Variants in DEFB109B observed in about 807,000 individuals in gnomAD.
DEFB109B encodes the protein beta-defensin 109B.
chr8:7,315,788 G>A (rs1802882041), intron 1 of DEFB109B, among the ~76,000 whole-genome samples: 1 of 145,618 alleles, frequency 6.9e-6, no homozygotes, highest in African/African-American at 2.8e-5. Flanking sequence ...CTGAATTTAA[G>A]TTAATTAGCT....
chr8:7,319,620 C>T (rs905673062), intron 1 of DEFB109B, 126 bp from the exon 2 acceptor site: 7 of 142,572 alleles, frequency 4.9e-5, no homozygotes, highest in Non-Finnish European at 7.4e-5. Flanking sequence ...GACATATGAG[C>T]AGCAACCATG....
chr8:7,315,095 G>C (rs1166734036), intron 1 of DEFB109B, among the ~76,000 whole-genome samples: 2 of 46,334 alleles, frequency 4.3e-5, no homozygotes, highest in Non-Finnish European at 7.3e-5. Flanking sequence ...TTCTCACAGT[G>C]AGACCTTTAC....
intron 1 of DEFB109B, among the ~76,000 whole-genome samples, chr8:7,315,688 A>G (rs1802873839): frequency 7.4e-6 from 1 of 134,834 alleles, no homozygotes; most frequent in Non-Finnish European, 1.5e-5. Context: ...ATCTCCATCA[A>G]GGGCAGCTTC....
chr8:7,316,815 T>G (rs1181860965), intron 1 of DEFB109B, among the ~76,000 whole-genome samples: 1 of 101,178 alleles, frequency 9.9e-6, no homozygotes, highest in South Asian at 3.0e-4. Flanking sequence ...ATATATACAT[T>G]TTTTTTTAGT....
chr8:7,316,887 C>T (rs1461420140), intron 1 of DEFB109B, among the ~76,000 whole-genome samples: 4 of 128,192 alleles, frequency 3.1e-5, no homozygotes, highest in South Asian at 4.7e-4. Context: ...GTGATCCACC[C>T]GCCTCGGCCT....
intron 1 of DEFB109B, among the ~76,000 whole-genome samples, chr8:7,313,605 C>A (rs1455783760): frequency 6.9e-6 from 1 of 144,866 alleles, no homozygotes; most frequent in Non-Finnish European, 1.5e-5. Context: ...AGGTATATTA[C>A]AGGTAACCAC....
rs1290459577 is a variant in DEFB109B at position 7,319,140 on chromosome 8, G to GA, written n.59-598dup. 9 of 108,684 alleles carry GA rather than the reference G, an allele frequency of 8.3e-5. 2 individuals are homozygous for GA. Among genetic ancestry groups the GA allele is most frequent in the African/African-American group, 2.8e-4 (6 of 21,090 alleles). The allele number at this position is 108,684 out of a possible 1,614,324, so 6.7% of individuals were successfully genotyped here. Reference sequence around the variant, plus strand: ...CTTTAGCTCTACACACTCCCCCAAAGAAAAAAAATATATAGATAGTTATGT... The same window carrying GA: ...CTTTAGCTCTACACACTCCCCCAAAGAAAAAAAAATATATAGATAGTTATGT... On this transcript the variant is annotated intron_variant and non_coding_transcript_variant, in intron 1 of 1. Transcript: ENST00000382656.
chr8:7,315,496 CAAA>C (rs140776655), intron 1 of DEFB109B, among the ~76,000 whole-genome samples: 7 of 93,948 alleles, frequency 7.5e-5, no homozygotes, highest in African/African-American at 4.8e-4. Context: ...GAGACTCCGT[CAAA>C]AAAAAAAAAA....
rs1291741165 is a variant in DEFB109B, at chr8:7,316,812, CA to C, written n.59-2933del. ...CAGCTAATATATATATATATATATA[CA>C]TTTTTTTTTAGTAGAGACAAGTTTT... is the stretch of plus-strand genomic sequence containing the variant. On this transcript the variant is annotated intron_variant and non_coding_transcript_variant, in intron 1 of 1. Transcript: ENST00000382656. 2.2e-5 allele frequency among the ~76,000 whole-genome samples: 2 copies of C among 92,772 alleles called. 1 individual carries two copies. The highest frequency in any genetic ancestry group is 1.5e-4 in the African/African-American group (2 of 13,148). 60.9% of individuals were successfully genotyped at this position (92,772 alleles called of 152,430 possible). A position where few individuals can be genotyped will look rare whatever the true frequency, so the allele number is the denominator to read the frequency against.
chr8:7,319,148 AT>A (rs1466786194), intron 1 of DEFB109B: 2 of 135,222 alleles, frequency 1.5e-5, no homozygotes, highest in African/African-American at 6.9e-5. Context: ...AAGAAAAAAA[AT>A]ATATAGATAG....
chr8:7,312,021 T>A (rs1315709074), upstream of DEFB109B, among the ~76,000 whole-genome samples: 1 of 127,266 alleles, frequency 7.9e-6, no homozygotes, highest in Non-Finnish European at 1.5e-5. Context: ...AATGGGTTCA[T>A]GAAGGAATGT....
At chr8:7,310,611 G>A (rs1487033351), upstream of DEFB109B, among the ~76,000 whole-genome samples, 1 of 143,688 alleles carries the variant, frequency 7.0e-6, no homozygotes, top group African/African-American at 3.0e-5. Context: ...GTGTGCATGT[G>A]CGTGCCTTTG....
At chr8:7,316,749 C>T (rs1802962476) in intron 1 of DEFB109B, among the ~76,000 whole-genome samples, 2 of 142,724 alleles carry the variant, frequency 1.4e-5, no homozygotes, top group South Asian at 4.2e-4. Flanking sequence ...GCCTCAGCCT[C>T]CTGAGTAGCT....
upstream of DEFB109B, among the ~76,000 whole-genome samples, chr8:7,312,340 C>T (rs1252507690): frequency 3.6e-5 from 5 of 138,414 alleles, no homozygotes; most frequent in African/African-American, 1.4e-4. Context: ...CTTAGGGGTT[C>T]TGACAACAAC....
At chr8:7,315,023 A>C (rs532034727) in intron 1 of DEFB109B, among the ~76,000 whole-genome samples, 1 of 10,228 alleles carries the variant, frequency 9.8e-5, no homozygotes, top group South Asian at 1.5e-3. Context: ...GAGAACAGAG[A>C]GTGAAGGGGG....
intron 1 of DEFB109B, among the ~76,000 whole-genome samples, chr8:7,315,496 C>CAAAAAAAA (rs140776655): frequency 1.1e-5 from 1 of 93,984 alleles, no homozygotes; most frequent in Non-Finnish European, 1.8e-5. Context: ...GAGACTCCGT[C>CAAAAAAAA]AAAAAAAAAA....
chr8:7,313,645 A>G (rs1802754917), intron 1 of DEFB109B, among the ~76,000 whole-genome samples: 1 of 145,602 alleles, frequency 6.9e-6, no homozygotes, highest in Non-Finnish European at 1.5e-5. Context: ...CTTTCAATAC[A>G]AAAATGGCTA....
upstream of DEFB109B, among the ~76,000 whole-genome samples, chr8:7,309,695 C>T (rs1169616679): frequency 1.2e-4 from 18 of 145,962 alleles, no homozygotes; most frequent in Non-Finnish European, 2.4e-4. Flanking sequence ...TGCTTTTACC[C>T]AAGAAGATGA....
chr8:7,319,529 C>T (rs1454902313), intron 1 of DEFB109B: 1 of 133,912 alleles, frequency 7.5e-6, no homozygotes, highest in Non-Finnish European at 1.5e-5. Flanking sequence ...TCCCACATCC[C>T]TTTTCCCCAC....
Sources: gnomAD v4.1 joint callset for allele counts (sites outside exome capture counted in the v4.1 genomes callset) on GRCh38, gnomAD v4.1.1 for gene constraint, MANE v1.5 for transcripts, NCBI Gene and HGNC (gene_info 2026-07-23, HGNC 2026-07-21) for gene names.